The following NXPE3 variants were observed in gnomAD, a reference collection of about 807,000 sequenced individuals.
NXPE3 encodes NXPE family member 3.
In NXPE3, 26 loss-of-function variants were observed where a neutral mutation model predicts 46.1. The observed-to-expected ratio is 0.56, with a 90% confidence interval of 0.41 to 0.78. The LOEUF (loss-of-function observed/expected upper bound fraction) is 0.78, where lower values mean the gene tolerates loss of function less well. Among genes scored for constraint, NXPE3 ranks in the 30% least tolerant of loss-of-function variants. NXPE3 has a pLI of 0.00. For missense variants in NXPE3, 620 were observed against 686.0 expected (o/e 0.90, Z 1.07); for synonymous variants, 272 against 257.9 (o/e 1.05, Z -0.52).
At chr3:101,805,967 G>C (rs138063399) in intron 5 of NXPE3, among the ~76,000 whole-genome samples, 3 of 152,112 alleles carry the variant, frequency 2.0e-5, no homozygotes, top group Admixed American at 6.5e-5. Flanking sequence ...CATGAAAGTA[G>C]TTTATATGTG....
At position 101,801,750 on chromosome 3, in the gene NXPE3, T is replaced by TA; in HGVS notation, c.612dup (p.Pro205ThrfsTer17). The TA allele has an allele frequency of 6.2e-7, 1 of 1,614,210 alleles. No homozygotes were observed. Among genetic ancestry groups the TA allele is most frequent in the Non-Finnish European group, 8.5e-7 (1 of 1,180,032 alleles). Reference sequence around the variant, plus strand: ...GAGTTCTTCAGCGCTTACAGGAAGATAAACCAGACAGGGTCTATTTCAAGA... The same window carrying TA: ...GAGTTCTTCAGCGCTTACAGGAAGATAAAACCAGACAGGGTCTATTTCAAGA... On this transcript the variant is annotated frameshift_variant, in exon 5 of 8. Transcript: ENST00000273347. LOFTEE classifies it high-confidence loss of function.
intron 4 of NXPE3, among the ~76,000 whole-genome samples, chr3:101,795,409 T>C (rs1173203794): frequency 1.3e-5 from 2 of 151,722 alleles, no homozygotes; most frequent in African/African-American, 4.8e-5. Flanking sequence ...TCCTAGCTAC[T>C]CGGGAGGCTG....
At chr3:101,803,707 C>T (rs555451086) in intron 5 of NXPE3, among the ~76,000 whole-genome samples, 1 of 152,196 alleles carries the variant, frequency 6.6e-6, no homozygotes, top group Non-Finnish European at 1.5e-5. Flanking sequence ...GCAGCCTCAA[C>T]GTCCCGGGTT....
At chr3:101,792,259 A>C (rs760833059) in intron 4 of NXPE3, among the ~76,000 whole-genome samples, 2 of 152,098 alleles carry the variant, frequency 1.3e-5, no homozygotes, top group Admixed American at 6.6e-5. Flanking sequence ...CAGAGCTCTT[A>C]AGTTTAATTA....
At chr3:101,794,472 T>C (rs981098062) in intron 4 of NXPE3, among the ~76,000 whole-genome samples, 4 of 152,132 alleles carry the variant, frequency 2.6e-5, no homozygotes, top group South Asian at 2.1e-4. Context: ...GGTAGGAGGG[T>C]AGAGCCCAGG....
rs1042942199 is a variant in NXPE3 at position 101,798,598 on chromosome 3, A to T, written c.94-2637A>T. Among the ~76,000 whole-genome samples the T allele has an allele frequency of 3.2e-3, 409 of 128,442 alleles. 3 individuals carry two copies. The highest frequency in any genetic ancestry group is 0.011 in the African/African-American group (383 of 34,266). The allele number at this position is 128,442 out of a possible 152,430, so 84.3% of individuals were successfully genotyped here. On this transcript the variant is annotated intron_variant, in intron 4 of 7. Transcript: ENST00000273347. ...TATATATGTGTGTCTATATATATATATATATTTTTTTTTTTTTTCTTTTAA... is the reference window on the plus strand; with the variant it reads ...TATATATGTGTGTCTATATATATATTTATATTTTTTTTTTTTTTCTTTTAA...
chr3:101,810,214 A>G (rs1225302829), intron 6 of NXPE3, among the ~76,000 whole-genome samples: 1 of 152,194 alleles, frequency 6.6e-6, no homozygotes, highest in Admixed American at 6.5e-5. Context: ...AGTACCTGTA[A>G]TGTAGTCCCC....
At chr3:101,818,512 T>C (rs1271236566) in intron 7 of NXPE3, among the ~76,000 whole-genome samples, 1 of 151,692 alleles carries the variant, frequency 6.6e-6, no homozygotes, top group Non-Finnish European at 1.5e-5. Flanking sequence ...CCATATACTT[T>C]ACAGACATAT....
intron 4 of NXPE3, among the ~76,000 whole-genome samples, chr3:101,796,643 A>G (rs1177561884): frequency 1.3e-5 from 2 of 152,146 alleles, no homozygotes; most frequent in Non-Finnish European, 2.9e-5. Context: ...AATAAAGGGA[A>G]TTTTTCAAAG....
chr3:101,795,346 C>T (rs1200477936), intron 4 of NXPE3, among the ~76,000 whole-genome samples: 2 of 152,060 alleles, frequency 1.3e-5, no homozygotes, highest in African/African-American at 4.8e-5. Context: ...TGGCGAAACC[C>T]CCGTCTCTAC....
At chr3:101,812,675 G>A (rs1209856155) in intron 6 of NXPE3, among the ~76,000 whole-genome samples, 1 of 151,860 alleles carries the variant, frequency 6.6e-6, no homozygotes, top group African/African-American at 2.4e-5. Context: ...AGCCGGGCGT[G>A]GTGGCAGGCG....
chr3:101,817,051 A>G (rs772663073), intron 7 of NXPE3, 50 bp downstream of exon 7: 2 of 1,503,450 alleles, frequency 1.3e-6, no homozygotes, highest in Non-Finnish European at 1.9e-6. Flanking sequence ...TCAGCTTTGA[A>G]ATAAGCAGAC....
chr3:101,801,337 G>C lies in NXPE3; in HGVS notation c.196G>C (p.Asp66His), dbSNP rs1270532243. The C allele has an allele frequency of 1.2e-6, 2 of 1,614,082 alleles. No individual in the cohort carries two copies. The highest frequency in any genetic ancestry group is 1.1e-5 in the South Asian group (1 of 91,086). Residue 66 changes from aspartate to histidine, a missense_variant, in exon 5 of 8, where the codon GAT becomes CAT. Around this residue, in one of 3 missense-constraint regions of NXPE3, gnomAD observed 511 missense variants for 528.6 expected, o/e 0.97. Transcript: ENST00000273347. ...GISRNPYCGY[D>H]QQTLSSQERM... is the part of the protein sequence containing the mutation. ...TAGCCGAAATCCCTACTGTGGCTAT[G>C]ATCAGCAGACCCTGTCCAGCCAGGA...
intron 6 of NXPE3, among the ~76,000 whole-genome samples, chr3:101,810,862 T>C (rs959752764): frequency 2.0e-5 from 3 of 152,142 alleles, no homozygotes; most frequent in Non-Finnish European, 4.4e-5. Context: ...AGAGTCTTGC[T>C]CTGTTGCCCA....
chr3:101,807,760 TTAAA>T (rs919021549), intron 6 of NXPE3, among the ~76,000 whole-genome samples: 2 of 151,958 alleles, frequency 1.3e-5, no homozygotes, highest in Admixed American at 1.3e-4. Flanking sequence ...TCAATTAAGA[TTAAA>T]TAAAATTCAA....
At chr3:101,783,339 G>A (rs1220734681) in intron 3 of NXPE3, among the ~76,000 whole-genome samples, 2 of 152,226 alleles carry the variant, frequency 1.3e-5, no homozygotes, top group Admixed American at 6.5e-5. Context: ...GGGATTACAG[G>A]CGTGAGCCAC....
Position 101,821,497 on chromosome 3 carries a change from A to G in NXPE3, c.1223A>G (p.His408Arg), listed in dbSNP as rs1217802735. ...AACATCCTGCTCAAATACCGCTGCC[A>G]TGGTCCACCCATCCGCTTCACGACT... ...KHNILLKYRCHGPPIRFTTVF... is the reference protein window; with the variant it reads ...KHNILLKYRCRGPPIRFTTVF... Residue 408 changes from histidine (H) to arginine (R), a missense_variant, in exon 8 of 8, where the codon CAT (histidine) becomes CGT (arginine). His to Arg is a conservative substitution (Grantham distance 29). Around this residue, in one of 3 missense-constraint regions of NXPE3, gnomAD observed 511 missense variants for 528.6 expected, o/e 0.97. Transcript: ENST00000273347. 7 of 1,614,084 alleles carry G rather than the reference A, an allele frequency of 4.3e-6. No individual in the cohort carries two copies. The highest frequency in any genetic ancestry group is 1.3e-5 in the African/African-American group (1 of 74,928).
At chr3:101,783,408 A>G (rs1170911430) in intron 3 of NXPE3, among the ~76,000 whole-genome samples, 2 of 152,178 alleles carry the variant, frequency 1.3e-5, no homozygotes, top group African/African-American at 2.4e-5. Flanking sequence ...GCCTCACGCA[A>G]CATCTATTTA....
intron 5 of NXPE3, 124 bp downstream of exon 5, chr3:101,802,113 G>A (rs937227511): frequency 2.4e-6 from 2 of 821,384 alleles, no homozygotes; most frequent in African/African-American, 1.7e-5. Flanking sequence ...GCCCAATACA[G>A]AAGAGGTAGT....
Sources: allele counts gnomAD v4.1 joint callset (sites outside exome capture counted in the v4.1 genomes callset), GRCh38; gene constraint gnomAD v4.1.1; regional missense constraint gnomAD v4.1.1; transcripts MANE v1.5; gene names NCBI Gene and HGNC (gene_info 2026-07-23, HGNC 2026-07-21).